HIBADH: variants seen among roughly 807,000 people sequenced by gnomAD.
HIBADH encodes the protein 3-hydroxyisobutyrate dehydrogenase, mitochondrial.
HIBADH carries 25 observed loss-of-function variants against 36.1 expected under a neutral mutation model. That is an observed-to-expected ratio of 0.69 (90% confidence interval 0.50 to 0.97). The LOEUF (loss-of-function observed/expected upper bound fraction) is 0.97. Ranked by LOEUF, HIBADH falls within the 50% of genes least tolerant of loss-of-function variation. The pLI is 0.00. For synonymous variants in HIBADH, 160 were observed against 149.5 expected (o/e 1.07, Z -0.51); for missense variants, 421 against 418.0 (o/e 1.01, Z -0.06).
At chr7:27,657,445 G>C (rs563062954) in intron 1 of HIBADH, among the ~76,000 whole-genome samples, 4 of 152,100 alleles carry the variant, frequency 2.6e-5, no homozygotes, top group Non-Finnish European at 5.9e-5. Context: ...AATCACAGAG[G>C]AGGTTAAATC....
chr7:27,563,992 G>A (rs960656639), intron 4 of HIBADH, among the ~76,000 whole-genome samples: 6 of 146,812 alleles, frequency 4.1e-5, no homozygotes, highest in South Asian at 4.4e-4. Flanking sequence ...TCTGCCTCCC[G>A]GATTCACGCC....
rs542373215 is a variant in HIBADH at position 27,624,345 on chromosome 7, T to G, written c.484+5026A>C. Among the ~76,000 whole-genome samples, 4 of 152,296 alleles carry G rather than the reference T, an allele frequency of 2.6e-5. No individual in the cohort carries two copies. The East Asian group carries it at 7.7e-4, about 29-fold the overall frequency. ...AGTAATGTTAAAGCTGGCCTTCATA[T>G]CAAAACCGCATTACAATAATTCTCC... On this transcript the variant is annotated intron_variant, in intron 4 of 7. Transcript: ENST00000265395.
At chr7:27,660,333 T>C (rs1435307066) in intron 1 of HIBADH, among the ~76,000 whole-genome samples, 1 of 152,198 alleles carries the variant, frequency 6.6e-6, no homozygotes, top group Non-Finnish European at 1.5e-5. Context: ...ACTTTTGCAG[T>C]AAACTAAAAT....
At chr7:27,579,611 T>C (rs1046746341) in intron 4 of HIBADH, among the ~76,000 whole-genome samples, 2 of 152,198 alleles carry the variant, frequency 1.3e-5, no homozygotes, top group Admixed American at 6.5e-5. Flanking sequence ...TATTATTACA[T>C]TGCTGAGTTA....
At position 27,587,344 on chromosome 7, in the gene HIBADH, C is replaced by T. The variant is rs185651583; in HGVS notation, c.484+42027G>A. Among the ~76,000 whole-genome samples, 22 of 152,170 alleles carry T rather than the reference C, an allele frequency of 1.4e-4. No individual in the cohort carries two copies. In the East Asian group the frequency reaches 4.3e-3, roughly 29 times the overall value. On this transcript the variant is annotated intron_variant, in intron 4 of 7. Coordinates refer to ENST00000265395, the MANE Select transcript of HIBADH (RefSeq NM_152740.4). ...CAGACATGAAGTGGTGTTAAAGCTG[C>T]AGATTCCCCACACTTGACAGATGAT...
intron 5 of HIBADH, among the ~76,000 whole-genome samples, chr7:27,540,154 C>T (rs11526176): frequency 0.64 from 97,698 of 151,994 alleles, 32,181 homozygotes; most frequent in East Asian, 0.94. Context: ...GGTACCAATC[C>T]GTCTTCCACT....
At chr7:27,648,764 T>C (rs1786123075) in intron 2 of HIBADH, among the ~76,000 whole-genome samples, 2 of 152,212 alleles carry the variant, frequency 1.3e-5, no homozygotes, top group Non-Finnish European at 2.9e-5. Flanking sequence ...TCATCCAACA[T>C]GATAAACTCT....
intron 1 of HIBADH, among the ~76,000 whole-genome samples, chr7:27,654,290 G>T (rs1412388111): frequency 6.6e-6 from 1 of 152,184 alleles, no homozygotes; most frequent in Non-Finnish European, 1.5e-5. Context: ...CCTCAAATGA[G>T]AAGAGAGAAG....
intron 6 of HIBADH, among the ~76,000 whole-genome samples, chr7:27,533,514 A>C (rs1784030732): frequency 6.6e-6 from 1 of 152,054 alleles, no homozygotes; most frequent in Non-Finnish European, 1.5e-5. Flanking sequence ...TAAAAAGAGC[A>C]AGTTAGAAGT....
At chr7:27,600,127 G>T (rs1225014536) in intron 4 of HIBADH, among the ~76,000 whole-genome samples, 2 of 151,910 alleles carry the variant, frequency 1.3e-5, no homozygotes, top group Non-Finnish European at 2.9e-5. Flanking sequence ...TATTGCTATG[G>T]TTTTCCCATA....
intron 2 of HIBADH, among the ~76,000 whole-genome samples, 187 bp from the exon 3 acceptor site, chr7:27,632,632 C>G (rs1376729593): frequency 6.9e-6 from 1 of 144,188 alleles, no homozygotes; most frequent in Non-Finnish European, 1.5e-5. Flanking sequence ...CATCATTATA[C>G]ATATACAGAT....
chr7:27,582,091 C>T (rs1176041200), intron 4 of HIBADH, among the ~76,000 whole-genome samples: 1 of 152,120 alleles, frequency 6.6e-6, no homozygotes, highest in African/African-American at 2.4e-5. Context: ...CTCTTTTGAA[C>T]AGAACTATCA....
At chr7:27,641,042 C>T (rs1042439879) in intron 2 of HIBADH, among the ~76,000 whole-genome samples, 1 of 152,078 alleles carries the variant, frequency 6.6e-6, no homozygotes, top group African/African-American at 2.4e-5. Flanking sequence ...GGCCATCTTG[C>T]ACCTTGAAGG....
chr7:27,646,686 A>G (rs1786077799), intron 2 of HIBADH, among the ~76,000 whole-genome samples: 1 of 126,674 alleles, frequency 7.9e-6, no homozygotes, highest in African/African-American at 3.1e-5. Context: ...AACCACGCCC[A>G]GCATTTTTTT....
chr7:27,642,872 C>T (rs1284231991), intron 2 of HIBADH, among the ~76,000 whole-genome samples: 1 of 152,040 alleles, frequency 6.6e-6, no homozygotes, highest in African/African-American at 2.4e-5. Context: ...GGGATGGTCT[C>T]GATCTCCTGA....
chr7:27,557,222 C>T (rs1005042709), intron 4 of HIBADH, among the ~76,000 whole-genome samples: 27 of 150,298 alleles, frequency 1.8e-4, no homozygotes, highest in Admixed American at 1.2e-3. Context: ...AGAAATAACA[C>T]GGTTTTGCAT....
intron 4 of HIBADH, among the ~76,000 whole-genome samples, chr7:27,570,230 A>T (rs1316029680): frequency 6.8e-6 from 1 of 147,408 alleles, no homozygotes; most frequent in Non-Finnish European, 1.5e-5. Context: ...TTTTAGACAC[A>T]TTCAGTAGGA....
intron 4 of HIBADH, among the ~76,000 whole-genome samples, chr7:27,544,678 A>T (rs912268228): frequency 1.3e-5 from 2 of 152,214 alleles, no homozygotes; most frequent in Non-Finnish European, 2.9e-5. Flanking sequence ...TAGAGAAATT[A>T]AGTAGACGAT....
At chr7:27,567,863 C>T (rs61072451) in intron 4 of HIBADH, among the ~76,000 whole-genome samples, 1,685 of 152,180 alleles carry the variant, frequency 0.011, 29 homozygotes, top group African/African-American at 0.038. Context: ...GTTTGCCTTA[C>T]GATTTTTTTT....
Sources: gnomAD v4.1 joint callset for allele counts (sites outside exome capture counted in the v4.1 genomes callset) on GRCh38, gnomAD v4.1.1 for gene constraint, MANE v1.5 for transcripts, NCBI Gene and HGNC (gene_info 2026-07-23, HGNC 2026-07-21) for gene names.